HPCAL1: variants seen among roughly 807,000 people sequenced by gnomAD.
HPCAL1 encodes hippocalcin-like protein 1.
In HPCAL1, 8 loss-of-function variants were observed where a neutral mutation model predicts 17.1. The ratio of observed to expected loss-of-function variants is 0.47; its 90% CI spans 0.27 to 0.84. HPCAL1 has a LOEUF of 0.84. Ranked by LOEUF, HPCAL1 falls within the 40% of genes least tolerant of loss-of-function variation. The pLI, the probability that HPCAL1 is intolerant of heterozygous loss-of-function variation, is 0.13. For missense variants in HPCAL1, 165 were observed against 271.1 expected (o/e 0.61, Z 2.75); for synonymous variants, 112 against 111.4 (o/e 1.01, Z -0.03).
rs1485492976 is a variant in HPCAL1 at position 10,304,987 on chromosome 2, T to G, written c.-111+1810T>G. On this transcript the variant is annotated intron_variant, in intron 1 of 4. Coordinates refer to ENST00000307845, the MANE Select transcript of HPCAL1 (RefSeq NM_002149.4). The surrounding 1 kb of genome is among the most constrained non-coding windows in gnomAD (Gnocchi z 4.1). ...TTTGCGGGCTTTTAGGAGCCAGGGA[T>G]AGAAACCTGGTCCGGTTCCTTTGGT... is the stretch of plus-strand genomic sequence containing the variant. 6.6e-6 allele frequency among the ~76,000 whole-genome samples: 1 copy of G among 152,162 alleles called. No individual in the cohort carries two copies. The highest frequency in any genetic ancestry group is 1.5e-5 in the Non-Finnish European group (1 of 68,024).
chr2:10,387,646 G>A (rs1668402246), intron 1 of HPCAL1, among the ~76,000 whole-genome samples: 1 of 152,228 alleles, frequency 6.6e-6, no homozygotes, highest in Admixed American at 6.5e-5. Context: ...ACTCAGAGAG[G>A]CTTGTGGCCC....
At chr2:10,303,236 CCCGGCGTGTGCA>C (rs1427078675) in intron 1 of HPCAL1, 59 bp downstream of exon 1, 1 of 152,122 alleles carries the variant, frequency 6.6e-6, no homozygotes, top group Middle Eastern at 3.1e-3. Flanking sequence ...GGCGTGTGCA[CCCGGCGTGTGCA>C]CCGGCGAGCG....
chr2:10,422,799 A>C (rs1428919104), intron 3 of HPCAL1, among the ~76,000 whole-genome samples, 184 bp from the exon 4 acceptor site: 1 of 152,106 alleles, frequency 6.6e-6, no homozygotes, highest in African/African-American at 2.4e-5. Flanking sequence ...TCTGCTCTTG[A>C]ACTTCACATA....
At chr2:10,385,327 C>A (rs1452212783) in intron 1 of HPCAL1, among the ~76,000 whole-genome samples, 1 of 148,812 alleles carries the variant, frequency 6.7e-6, no homozygotes, top group Admixed American at 6.8e-5. Context: ...GTGCTTCCTA[C>A]TGGTGGCTTC....
intron 1 of HPCAL1, among the ~76,000 whole-genome samples, chr2:10,392,041 C>T (rs1411593584): frequency 3.9e-5 from 6 of 152,032 alleles, no homozygotes; most frequent in East Asian, 1.9e-4. Context: ...AGCCACTATG[C>T]CAGGCTGTTG....
At chr2:10,396,102 G>A (rs1271172951) in intron 1 of HPCAL1, among the ~76,000 whole-genome samples, 3 of 152,330 alleles carry the variant, frequency 2.0e-5, no homozygotes, top group Non-Finnish European at 2.9e-5. Flanking sequence ...GGGAGTGGCC[G>A]AGCACCTAGA....
intron 3 of HPCAL1, among the ~76,000 whole-genome samples, chr2:10,421,538 A>G (rs1490211812): frequency 6.6e-6 from 1 of 152,122 alleles, no homozygotes; most frequent in Admixed American, 6.5e-5. Context: ...CCATCTCTAT[A>G]AAAAATTAAA....
chr2:10,339,509 A>C (rs925396597), intron 1 of HPCAL1, among the ~76,000 whole-genome samples: 4 of 152,084 alleles, frequency 2.6e-5, no homozygotes, highest in African/African-American at 9.7e-5. Flanking sequence ...TTCATGCCTG[A>C]TTAATTTTTT....
At position 10,377,788 on chromosome 2, in the gene HPCAL1, A is replaced by C. The variant is rs923743241; in HGVS notation, c.-110-19047A>C. On this transcript the variant is annotated intron_variant, in intron 1 of 4. Coordinates refer to ENST00000307845, the MANE Select transcript of HPCAL1 (RefSeq NM_002149.4). This position sits in a 1 kb window ranked among gnomAD's most constrained non-coding sequence, Gnocchi z 5.9. ...AGTGAACACAGAAACATAAAGGGAC[A>C]CCAGAATCCCCATCCCCATCCCCAG... Among the ~76,000 whole-genome samples the C allele has an allele frequency of 1.3e-5, 2 of 152,058 alleles. No homozygotes were observed. Among genetic ancestry groups the C allele is most frequent in the Non-Finnish European group, 2.9e-5 (2 of 68,016 alleles).
At chr2:10,375,617 C>T (rs889061872) in intron 1 of HPCAL1, among the ~76,000 whole-genome samples, 1 of 152,190 alleles carries the variant, frequency 6.6e-6, no homozygotes, top group Non-Finnish European at 1.5e-5. Context: ...CAATTTGAGC[C>T]CAGATCATCC....
chr2:10,373,255 G>A (rs1360654811), intron 1 of HPCAL1, among the ~76,000 whole-genome samples: 1 of 152,234 alleles, frequency 6.6e-6, no homozygotes, highest in Non-Finnish European at 1.5e-5. Context: ...CAGAGGCGAG[G>A]GAGGTGGTAA....
At chr2:10,358,579 A>G (rs530392727) in intron 1 of HPCAL1, among the ~76,000 whole-genome samples, 2 of 152,324 alleles carry the variant, frequency 1.3e-5, no homozygotes, top group South Asian at 2.1e-4. Context: ...TGAGAGGAAC[A>G]CGTGGGTGGA....
chr2:10,360,324 TCA>T (rs1449194657), intron 1 of HPCAL1, among the ~76,000 whole-genome samples: 1 of 151,990 alleles, frequency 6.6e-6, no homozygotes, highest in Admixed American at 6.5e-5. Context: ...GAGACTTCTC[TCA>T]CAAAGCGAAT....
intron 2 of HPCAL1, among the ~76,000 whole-genome samples, chr2:10,400,732 G>GACACGTGCCTGCAC (rs1572824060): frequency 6.6e-6 from 1 of 152,194 alleles, no homozygotes; most frequent in East Asian, 1.9e-4. Context: ...ATTGTGGGCA[G>GACACGTGCCTGCAC]ACACGTGCCT....
rs1439286272 is a variant in HPCAL1, at chr2:10,359,585, C to G, written c.-110-37250C>G. On this transcript the variant is annotated intron_variant, in intron 1 of 4. Transcript: ENST00000307845. This position sits in a 1 kb window ranked among gnomAD's most constrained non-coding sequence, Gnocchi z 4.1. ...TGGCCTGGAGGATGAAGTCAGGGCT[C>G]TGGCCTCATTGAGGGCCTGGAACTC... Among the ~76,000 whole-genome samples the G allele has an allele frequency of 6.6e-6, 1 of 152,206 alleles. No homozygotes were observed. Among genetic ancestry groups the G allele is most frequent in the Admixed American group, 6.5e-5 (1 of 15,286 alleles).
Position 10,367,197 on chromosome 2 carries a change from C to G in HPCAL1, c.-110-29638C>G, listed in dbSNP as rs1486458774. ...GGGACTTGAGGGTAACTTCATCTCTCAAAATAGGCTGAGACTTTTTACAGT... is the reference window on the plus strand; with the variant it reads ...GGGACTTGAGGGTAACTTCATCTCTGAAAATAGGCTGAGACTTTTTACAGT... On this transcript the variant is annotated intron_variant, in intron 1 of 4. Coordinates refer to ENST00000307845, the MANE Select transcript of HPCAL1 (RefSeq NM_002149.4). This position sits in a 1 kb window ranked among gnomAD's most constrained non-coding sequence, Gnocchi z 4.4. 6.6e-6 allele frequency among the ~76,000 whole-genome samples: 1 copy of G among 151,900 alleles called. No individual in the cohort carries two copies. The highest frequency in any genetic ancestry group is 2.4e-5 in the African/African-American group (1 of 41,324).
chr2:10,390,134 G>A (rs1668597748), intron 1 of HPCAL1, among the ~76,000 whole-genome samples: 1 of 152,216 alleles, frequency 6.6e-6, no homozygotes, highest in Non-Finnish European at 1.5e-5. Context: ...TTGGTGCTGG[G>A]CACTAGTCAT....
At position 10,344,878 on chromosome 2, in the gene HPCAL1, CCTCT is replaced by C. The variant is rs1021490929; in HGVS notation, c.-111+41706_-111+41709del. ...CTCTGTGCCTTTCAGTCTCTTTCTG[CCTCT>C]CTCTATGTGTCCGTTTCTCTTTCTC... On this transcript the variant is annotated intron_variant, in intron 1 of 4. Coordinates refer to ENST00000307845, the MANE Select transcript of HPCAL1 (RefSeq NM_002149.4). The surrounding 1 kb of genome is among the most constrained non-coding windows in gnomAD (Gnocchi z 4.9). Among the ~76,000 whole-genome samples the C allele has an allele frequency of 1.0e-4, 15 of 145,020 alleles. No individual in the cohort carries two copies. In the South Asian group the frequency reaches 1.4e-3, roughly 13 times the overall value.
chr2:10,355,745 A>C (rs1666116218), intron 1 of HPCAL1, among the ~76,000 whole-genome samples: 1 of 152,132 alleles, frequency 6.6e-6, no homozygotes, highest in Non-Finnish European at 1.5e-5. Context: ...AAGGCATTTG[A>C]AGATTAGGCT....
Sources: gnomAD v4.1 joint callset for allele counts (sites outside exome capture counted in the v4.1 genomes callset) on GRCh38, gnomAD v4.1.1 for gene constraint, Gnocchi (gnomAD v3.1) non-coding constraint, MANE v1.5 for transcripts, NCBI Gene and HGNC (gene_info 2026-07-23, HGNC 2026-07-21) for gene names.